Variants in RAB37 observed in about 807,000 individuals in gnomAD.
RAB37 encodes RAB37, member RAS oncogene family.
A neutral mutation model predicts 33.1 loss-of-function variants in RAB37; 29 were observed. That is an observed-to-expected ratio of 0.88 (90% CI 0.65 to 1.20). The LOEUF (loss-of-function observed/expected upper bound fraction) is 1.20. Among genes scored for constraint, RAB37 ranks in the 50% most tolerant of loss-of-function variants. RAB37 has a pLI of 0.00. For missense variants in RAB37, 299 were observed against 301.1 expected (o/e 0.99, Z 0.05); for synonymous variants, 128 against 119.5 (o/e 1.07, Z -0.47).
At chr17:74,732,893 T>A (rs962476785), upstream of RAB37, among the ~76,000 whole-genome samples, 1 of 104,022 alleles carries the variant, frequency 9.6e-6, no homozygotes, top group African/African-American at 3.6e-5. Context: ...TCACTGACAC[T>A]TGGTACCTCC....
chr17:74,676,688 C>G lies in RAB37; in HGVS notation c.72+5030C>G, dbSNP rs1481899622. 6.6e-6 allele frequency among the ~76,000 whole-genome samples: 1 copy of G among 152,198 alleles called. No homozygotes were observed. The highest frequency in any genetic ancestry group is 1.5e-5 in the Non-Finnish European group (1 of 68,050). On this transcript the variant is annotated intron_variant, in intron 1 of 7. Transcript: ENST00000340415. The surrounding 1 kb of genome is among the most constrained non-coding windows in gnomAD (Gnocchi z 4.1). ...AGAATATAGACGCAAATGATTCCCA[C>G]CTTCACTAAGCCTGTGGCCTAGAAG...
intron 1 of RAB37, among the ~76,000 whole-genome samples, chr17:74,672,553 C>T (rs899149677): frequency 1.3e-5 from 2 of 152,182 alleles, no homozygotes; most frequent in African/African-American, 4.8e-5. Flanking sequence ...CCTAACCCAA[C>T]CTCCTCCTCT....
At chr17:74,720,887 G>A (rs1468701771) in intron 1 of RAB37, among the ~76,000 whole-genome samples, 1 of 152,170 alleles carries the variant, frequency 6.6e-6, no homozygotes, top group African/African-American at 2.4e-5. Context: ...GCTCTCAGTG[G>A]AAGGGGAGCT....
chr17:74,727,110 C>T (rs2144023903), intron 1 of RAB37, among the ~76,000 whole-genome samples: 1 of 152,350 alleles, frequency 6.6e-6, no homozygotes, highest in South Asian at 2.1e-4. Flanking sequence ...CCTTCCCCCT[C>T]TTTTCCCAGA....
intron 1 of RAB37, among the ~76,000 whole-genome samples, chr17:74,723,868 C>G (rs376043456): frequency 3.9e-4 from 59 of 152,080 alleles, no homozygotes; most frequent in Middle Eastern, 6.8e-3. Flanking sequence ...GCCACCGCAC[C>G]CGGCCGTAAC....
At chr17:74,705,134 C>T in intron 1 of RAB37, 1 of 680,412 alleles carries the variant, frequency 1.5e-6, no homozygotes, top group Non-Finnish European at 2.7e-6. Context: ...TGTCCTTTTG[C>T]AGCCATCTTT....
chr17:74,684,100 T>G (rs2032007329), intron 1 of RAB37, among the ~76,000 whole-genome samples: 1 of 151,950 alleles, frequency 6.6e-6, no homozygotes, highest in Non-Finnish European at 1.5e-5. Flanking sequence ...ATTTATTTAT[T>G]TATTTATTGA....
At chr17:74,684,986 A>T (rs2032026382) in intron 1 of RAB37, among the ~76,000 whole-genome samples, 2 of 152,176 alleles carry the variant, frequency 1.3e-5, no homozygotes, top group South Asian at 4.1e-4. Flanking sequence ...GATAAGTGAA[A>T]ATTCATGGTT....
At chr17:74,736,587 G>A, upstream of RAB37, 1 of 1,525,458 alleles carries the variant, frequency 6.6e-7, no homozygotes, top group East Asian at 2.5e-5. Context: ...GTGCTGCGCA[G>A]CCCTCTTGCG....
rs1179329051 is a variant in RAB37 at position 74,671,581 on chromosome 17, C to G, written c.-6C>G. ...GAGAGCCGGAGCGGCGAGCTCCAAG[C>G]CTGGCATGGACCTGCAGAGACCCGA... On this transcript the variant is annotated 5_prime_UTR_variant, in exon 1 of 8. Coordinates refer to the RAB37 transcript ENST00000340415. The surrounding 1 kb of genome is among the most constrained non-coding windows in gnomAD (Gnocchi z 5.0). 1 of 1,614,132 alleles carries G rather than the reference C, an allele frequency of 6.2e-7. No individual in the cohort carries two copies. Among genetic ancestry groups the G allele is most frequent in the Admixed American group, 1.7e-5 (1 of 60,028 alleles).
intron 1 of RAB37, chr17:74,696,213 G>A (rs534456326): frequency 1.6e-5 from 25 of 1,606,662 alleles, no homozygotes; most frequent in East Asian, 4.5e-5. Context: ...GGGACATCCC[G>A]GCTGCTAAAA....
chr17:74,728,877 T>C (rs537640633), intron 1 of RAB37, among the ~76,000 whole-genome samples: 34 of 152,108 alleles, frequency 2.2e-4, no homozygotes, highest in African/African-American at 7.2e-4. Context: ...GTGTTCTGTG[T>C]GTATGTGTGT....
At chr17:74,723,221 A>G (rs554245692) in intron 1 of RAB37, among the ~76,000 whole-genome samples, 2 of 152,346 alleles carry the variant, frequency 1.3e-5, no homozygotes, top group East Asian at 3.9e-4. Context: ...ATACAATGTC[A>G]GACAAGTACC....
At chr17:74,722,801 GT>G in intron 1 of RAB37, among the ~76,000 whole-genome samples, 1 of 152,112 alleles carries the variant, frequency 6.6e-6, no homozygotes, top group South Asian at 2.1e-4. Flanking sequence ...GGAATCTTCT[GT>G]CAACCAAAAC....
intron 1 of RAB37, among the ~76,000 whole-genome samples, chr17:74,722,477 T>C (rs2144014253): frequency 6.6e-6 from 1 of 152,300 alleles, no homozygotes; most frequent in African/African-American, 2.4e-5. Flanking sequence ...ACTCTTTCAA[T>C]TAATCAGAGG....
At chr17:74,704,798 T>G in intron 1 of RAB37, 4 of 1,613,174 alleles carry the variant, frequency 2.5e-6, no homozygotes, top group Non-Finnish European at 3.4e-6. Flanking sequence ...ACCGGTGATT[T>G]GAGTGACAAT....
rs927654375 is a variant in RAB37, at chr17:74,671,859, C to T, written c.72+201C>T. Among the ~76,000 whole-genome samples the T allele has an allele frequency of 1.3e-5, 2 of 152,186 alleles. No homozygotes were observed. The highest frequency in any genetic ancestry group is 4.8e-5 in the African/African-American group (2 of 41,440). Reference sequence around the variant, plus strand: ...CTTGGGGAAGGGCTGCCGCCAGAGGCTCAGATGGTCAGAAGCTTCATTCAT... The same window carrying T: ...CTTGGGGAAGGGCTGCCGCCAGAGGTTCAGATGGTCAGAAGCTTCATTCAT... On this transcript the variant is annotated intron_variant, in intron 1 of 7. Coordinates refer to the RAB37 transcript ENST00000340415. The surrounding 1 kb of genome is among the most constrained non-coding windows in gnomAD (Gnocchi z 5.0).
chr17:74,688,814 C>G (rs909301800), intron 1 of RAB37, among the ~76,000 whole-genome samples: 9 of 152,100 alleles, frequency 5.9e-5, no homozygotes, highest in Non-Finnish European at 1.5e-5. Context: ...TCATAAGTTT[C>G]TAGAATTTCT....
intron 1 of RAB37, among the ~76,000 whole-genome samples, chr17:74,711,311 A>G (rs1262919033): frequency 1.3e-5 from 2 of 152,084 alleles, no homozygotes; most frequent in East Asian, 1.9e-4. Context: ...CCCACTCCCA[A>G]CACGACTCTC....
Sources: allele counts gnomAD v4.1 joint callset (sites outside exome capture counted in the v4.1 genomes callset), GRCh38; gene constraint gnomAD v4.1.1; non-coding constraint Gnocchi (gnomAD v3.1); transcripts MANE v1.5; gene names NCBI Gene and HGNC (gene_info 2026-07-23, HGNC 2026-07-21).